The following ANKRD11 variants were observed in gnomAD, a reference collection of about 807,000 sequenced individuals.
The protein encoded by ANKRD11 is ankyrin repeat domain 11.
Under a neutral mutation model 195.7 loss-of-function variants are expected in ANKRD11, and 17 were observed. That is an observed-to-expected ratio of 0.09 (90% CI 0.06 to 0.13). ANKRD11 has a LOEUF of 0.13. Ranked by LOEUF, ANKRD11 falls within the 10% of genes least tolerant of loss-of-function variation. The pLI, the probability that ANKRD11 is intolerant of heterozygous loss-of-function variation, is 1.00. For missense variants in ANKRD11, 3,735 were observed against 3,566.1 expected, an observed-to-expected ratio of 1.05 and a Z score of -1.21; for synonymous variants, 1,953 against 1,528.1, an observed-to-expected ratio of 1.28 and a Z score of -6.49.
chr16:89,379,923 G>GTT (rs1260066701), intron 2 of ANKRD11, among the ~76,000 whole-genome samples: 1 of 152,196 alleles, frequency 6.6e-6, no homozygotes, highest in Non-Finnish European at 1.5e-5. Flanking sequence ...GACCTTTTCA[G>GTT]TTTTCCAATC....
chr16:89,327,393 G>A (rs1028538168), intron 2 of ANKRD11, among the ~76,000 whole-genome samples: 1 of 152,134 alleles, frequency 6.6e-6, no homozygotes, highest in Non-Finnish European at 1.5e-5. Context: ...CAGATGGAAT[G>A]GCATACAGGG....
intron 2 of ANKRD11, among the ~76,000 whole-genome samples, chr16:89,338,757 G>C (rs2038509677): frequency 6.8e-6 from 1 of 147,508 alleles, no homozygotes; most frequent in Admixed American, 6.8e-5. Flanking sequence ...AAAAGAGCGA[G>C]CTTTTGTAGA....
intron 1 of ANKRD11, among the ~76,000 whole-genome samples, chr16:89,468,253 T>C (rs1238215879): frequency 6.6e-6 from 1 of 152,246 alleles, no homozygotes; most frequent in Non-Finnish European, 1.5e-5. Flanking sequence ...TGGGTTTAAG[T>C]TGTTGTAGTA....
At chr16:89,430,206 T>C (rs1344650863) in intron 1 of ANKRD11, among the ~76,000 whole-genome samples, 3 of 99,118 alleles carry the variant, frequency 3.0e-5, no homozygotes, top group African/African-American at 8.6e-5. Flanking sequence ...GCTCAGACGT[T>C]CTAGTACACA....
At chr16:89,385,512 G>A (rs1235989191) in intron 2 of ANKRD11, among the ~76,000 whole-genome samples, 6 of 152,222 alleles carry the variant, frequency 3.9e-5, no homozygotes, top group South Asian at 4.2e-4. Flanking sequence ...CAGAGACACC[G>A]AGACCCTGTG....
intron 2 of ANKRD11, among the ~76,000 whole-genome samples, chr16:89,352,150 C>G (rs2039249390): frequency 6.6e-6 from 1 of 152,112 alleles, no homozygotes; most frequent in Non-Finnish European, 1.5e-5. Flanking sequence ...CTCAGCCTCC[C>G]AAATGCTGGG....
At chr16:89,330,875 G>A (rs2038029883) in intron 2 of ANKRD11, among the ~76,000 whole-genome samples, 2 of 152,114 alleles carry the variant, frequency 1.3e-5, no homozygotes, top group Admixed American at 1.3e-4. Flanking sequence ...TTAAAACCTG[G>A]TAATTTGACT....
rs1597467380 is a variant in ANKRD11 at position 89,285,802 on chromosome 16, G to A, written c.893-153C>T. On this transcript the variant is annotated intron_variant, in intron 8 of 12. Coordinates refer to ENST00000301030, the MANE Select transcript of ANKRD11 (RefSeq NM_013275.6). This position sits in a 1 kb window ranked among gnomAD's most constrained non-coding sequence, Gnocchi z 5.6. ...GCTCGACTCATGGAAACCAGCCACA[G>A]GCAGGAGGAAACCAGACAGAGCTCA... Among the ~76,000 whole-genome samples the A allele has an allele frequency of 6.6e-6, 1 of 152,244 alleles. No individual in the cohort carries two copies. Among genetic ancestry groups the A allele is most frequent in the Admixed American group, 6.5e-5 (1 of 15,288 alleles).
chr16:89,284,970 C>G lies in ANKRD11; in HGVS notation c.1572G>C (p.Ser524=). 1 of 1,614,066 alleles carries G rather than the reference C, an allele frequency of 6.2e-7. No homozygotes were observed. Among genetic ancestry groups the G allele is most frequent in the Non-Finnish European group, 8.5e-7 (1 of 1,180,008 alleles). ...LFSSLSASST[S]SHGSSAAQKQ... is the part of the protein sequence containing the mutation. ...TCTGGGCGGCAGAGCTCCCGTGAGACGAGGTGGAGGAGGCAGAGAGGGAGC... is the reference window on the plus strand; with the variant it reads ...TCTGGGCGGCAGAGCTCCCGTGAGAGGAGGTGGAGGAGGCAGAGAGGGAGC... Residue 524 remains serine (S), a synonymous_variant, in exon 9 of 13, where the codon TCG becomes TCC. Transcript: ENST00000301030.
chr16:89,378,549 C>G (rs2040514772), intron 2 of ANKRD11, among the ~76,000 whole-genome samples: 1 of 152,180 alleles, frequency 6.6e-6, no homozygotes, highest in African/African-American at 2.4e-5. Context: ...TGCTATAAGG[C>G]TACAGATACA....
chr16:89,313,749 A>G (rs1286623831), intron 3 of ANKRD11, among the ~76,000 whole-genome samples: 3 of 152,164 alleles, frequency 2.0e-5, no homozygotes, highest in African/African-American at 7.2e-5. Flanking sequence ...CTCCCTAAGG[A>G]ATACAGCCTC....
intron 1 of ANKRD11, among the ~76,000 whole-genome samples, chr16:89,457,152 G>T (rs956360435): frequency 3.3e-5 from 5 of 150,138 alleles, no homozygotes; most frequent in Admixed American, 1.3e-4. Context: ...GTAGAGACGG[G>T]GTTTCACCGT....
At chr16:89,403,247 C>G (rs1373719965) in intron 2 of ANKRD11, among the ~76,000 whole-genome samples, 3 of 152,176 alleles carry the variant, frequency 2.0e-5, no homozygotes, top group Non-Finnish European at 4.4e-5. Context: ...CAGGAAGTAT[C>G]TGATGCGCAC....
chr16:89,351,937 G>T (rs1196114756), intron 2 of ANKRD11, among the ~76,000 whole-genome samples: 1 of 152,138 alleles, frequency 6.6e-6, no homozygotes, highest in African/African-American at 2.4e-5. Flanking sequence ...TTTGGAGACA[G>T]TCTCACTCTG....
intron 2 of ANKRD11, among the ~76,000 whole-genome samples, chr16:89,348,591 G>T (rs2039053235): frequency 6.6e-6 from 1 of 152,126 alleles, no homozygotes; most frequent in African/African-American, 2.4e-5. Context: ...TTTCTTTGTG[G>T]GAAGGGTGTT....
intron 2 of ANKRD11, among the ~76,000 whole-genome samples, chr16:89,354,232 T>C (rs533869312): frequency 1.4e-5 from 2 of 143,494 alleles, no homozygotes; most frequent in South Asian, 4.4e-4. Flanking sequence ...TAACTAAATT[T>C]TGCATTCAGC....
At chr16:89,438,971 G>A (rs943204432) in intron 1 of ANKRD11, among the ~76,000 whole-genome samples, 9 of 151,104 alleles carry the variant, frequency 6.0e-5, no homozygotes, top group Non-Finnish European at 4.4e-5. Context: ...CAGCCTGAAC[G>A]ACAGAGCAAG....
intron 7 of ANKRD11, chr16:89,287,925 C>CCA: frequency 2.4e-6 from 1 of 416,932 alleles, no homozygotes; most frequent in Non-Finnish European, 4.2e-6. Context: ...CAGGGGCTCT[C>CCA]CACGGAGCTC....
At position 89,291,130 on chromosome 16, in the gene ANKRD11, C is replaced by G. The variant is rs190143218; in HGVS notation, c.280G>C (p.Ala94Pro). 1.9e-4 allele frequency: 305 copies of G among 1,613,990 alleles called. No homozygotes were observed. In the East Asian group the frequency reaches 5.1e-3, roughly 27 times the overall value. The change falls in exon 5 of 13, where the codon GCC becomes CCC. Residue 94 changes from alanine to proline, a missense_variant. Coordinates refer to ENST00000301030, the MANE Select transcript of ANKRD11 (RefSeq NM_013275.6). This position sits in a 1 kb window ranked among gnomAD's most constrained non-coding sequence, Gnocchi z 5.3. ...AGCCCCATGCCAAACAGCAGCCCGG[C>G]CTTCCGGGTGACAGGCTCCTTCTTA... The part of the protein sequence containing the change: ...RIKKEPVTRK[A>P]GLLFGMGLSG...
Sources: gnomAD v4.1 joint callset for allele counts (sites outside exome capture counted in the v4.1 genomes callset) on GRCh38, gnomAD v4.1.1 for gene constraint, Gnocchi (gnomAD v3.1) non-coding constraint, MANE v1.5 for transcripts, NCBI Gene and HGNC (gene_info 2026-07-23, HGNC 2026-07-21) for gene names.